GSE1: variants seen among roughly 807,000 people sequenced by gnomAD.
GSE1 encodes the protein genetic suppressor element 1.
Under a neutral mutation model 112.6 loss-of-function variants are expected in GSE1, and 32 were observed. The ratio of observed to expected loss-of-function variants is 0.28; its 90% CI spans 0.21 to 0.38. The LOEUF is 0.38. Ranked by LOEUF, GSE1 falls within the 10% of genes least tolerant of loss-of-function variation. The pLI is 1.00. For missense variants in GSE1, 2,348 were observed against 1,699.2 expected (o/e 1.38, Z -6.71); for synonymous variants, 1,115 against 735.6 (o/e 1.52, Z -8.35).
At chr16:85,606,115 C>G (rs1029820488) in intron 1 of GSE1, among the ~76,000 whole-genome samples, 2 of 152,214 alleles carry the variant, frequency 1.3e-5, no homozygotes, top group African/African-American at 2.4e-5. Flanking sequence ...TGCCGTGGCA[C>G]AGCCCACTCC....
rs79884857 is a variant in GSE1 at position 85,271,970 on chromosome 16, T to C, written c.2284-85493T>C. 8.6e-3 allele frequency among the ~76,000 whole-genome samples: 1,310 copies of C among 152,346 alleles called. 22 individuals are homozygous for C. Among genetic ancestry groups the C allele is most frequent in the African/African-American group, 0.03 (1,254 of 41,576 alleles). ...CCAGGCCAGCGTCTGCAGGACGCCT[T>C]TCTGCAAGGGTTCCCCTTCCAAACC... On this transcript the variant is annotated intron_variant, in intron 1 of 2. Transcript: ENST00000637419.
At chr16:85,614,680 T>C (rs1025831765) in intron 1 of GSE1, among the ~76,000 whole-genome samples, 7 of 152,198 alleles carry the variant, frequency 4.6e-5, no homozygotes, top group Non-Finnish European at 8.8e-5. Context: ...GGGCGGTGGA[T>C]GCCAGCCGGA....
chr16:85,556,382 TCCCTGGGTCCCGCGCGGCGCCGGCGCGC>T (rs1180013316), intron 1 of GSE1: 30 of 981,382 alleles, frequency 3.1e-5, no homozygotes, highest in Non-Finnish European at 3.6e-5. Context: ...GCCGTGCGCC[TCCCTGGGTCCCGCGCGGCGCCGGCGCGC>T]CCGGGACCCT....
chr16:85,671,111 G>C lies in GSE1; in HGVS notation c.3519+13G>C. 1 of 1,504,906 alleles carries C rather than the reference G, an allele frequency of 6.6e-7. No individual in the cohort carries two copies. The highest frequency in any genetic ancestry group is 9.2e-7 in the Non-Finnish European group (1 of 1,081,538). 93.2% of individuals were successfully genotyped at this position (1,504,906 alleles called of 1,614,324 possible). A position where few individuals can be genotyped will look rare whatever the true frequency, so the allele number is the denominator to read the frequency against. On this transcript the variant is annotated intron_variant, in intron 15 of 15. Coordinates refer to ENST00000253458, the MANE Select transcript of GSE1 (RefSeq NM_014615.5). ...CCACAGCGTGGCGGTGAGTTGGGAA[G>C]GGATGGAAACCTTCAAACACGCAAC... is the stretch of plus-strand genomic sequence containing the variant.
rs529123469 is a variant in GSE1, at chr16:85,675,001, C to T, written c.*2462C>T. The T allele has an allele frequency of 2.0e-5, 3 of 152,686 alleles. No homozygotes were observed. The highest frequency in any genetic ancestry group is 4.8e-5 in the African/African-American group (2 of 41,560). The allele number at this position is 152,686 out of a possible 1,614,324, so 9.5% of individuals were successfully genotyped here. The stretch of plus-strand genomic sequence containing the variant: ...AAAAAGGTAAGAACTGTCTCAAAAA[C>T]GAAAGCACACCACCCAAGACACAGT... On this transcript the variant is annotated 3_prime_UTR_variant, in exon 16 of 16. Transcript: ENST00000253458.
intron 1 of GSE1, chr16:85,285,625 T>C (rs941996401): frequency 6.8e-6 from 1 of 146,744 alleles, no homozygotes; most frequent in Non-Finnish European, 1.5e-5. Context: ...CAGGTTGCAG[T>C]GAGCTGAGAT....
chr16:85,642,676 T>C (rs1486531995), intron 2 of GSE1, among the ~76,000 whole-genome samples: 1 of 152,240 alleles, frequency 6.6e-6, no homozygotes, highest in Admixed American at 6.5e-5. Flanking sequence ...GGACCCTCTT[T>C]AGGGAAGCAC....
intron 2 of GSE1, among the ~76,000 whole-genome samples, chr16:85,374,290 G>GT (rs1250002939): frequency 6.6e-5 from 10 of 151,734 alleles, no homozygotes; most frequent in Non-Finnish European, 2.9e-5. Flanking sequence ...GTGTATGTGC[G>GT]TGGTTGTGTG....
chr16:85,253,052 G>GCCCCCCCCCCCCCACCCCCC (rs1567640673), intron 1 of GSE1, among the ~76,000 whole-genome samples: 1 of 52,432 alleles, frequency 1.9e-5, no homozygotes, highest in Admixed American at 2.4e-4. Flanking sequence ...GCTCATAGGC[G>GCCCCCCCCCCCCCACCCCCC]CCCCCGCCCC....
Position 85,634,142 on chromosome 16 carries a change from C to A in GSE1, c.226+10C>A, listed in dbSNP as rs1187795376. The A allele has an allele frequency of 4.1e-6, 6 of 1,447,802 alleles. No homozygotes were observed. The highest frequency in any genetic ancestry group is 5.4e-6 in the Non-Finnish European group (6 of 1,107,786). The allele number at this position is 1,447,802 out of a possible 1,614,324, so 89.7% of individuals were successfully genotyped here. ...GCGGAGGAGCCCAGAGGTAAGGGGGCCCGCCAGGCTGCGCGTGGGGGGAGC... is the reference window on the plus strand; with the variant it reads ...GCGGAGGAGCCCAGAGGTAAGGGGGACCGCCAGGCTGCGCGTGGGGGGAGC... On this transcript the variant is annotated intron_variant, in intron 2 of 15. Coordinates refer to ENST00000253458, the MANE Select transcript of GSE1 (RefSeq NM_014615.5).
intron 1 of GSE1, among the ~76,000 whole-genome samples, chr16:85,340,267 T>C (rs1343418419): frequency 8.5e-5 from 13 of 152,170 alleles, no homozygotes; most frequent in Admixed American, 8.5e-4. Flanking sequence ...GGAGGATCAC[T>C]TGAGCCCACC....
At chr16:85,651,926 A>G (rs1046582471) in intron 3 of GSE1, among the ~76,000 whole-genome samples, 1 of 152,228 alleles carries the variant, frequency 6.6e-6, no homozygotes. Flanking sequence ...AGTCCATCCC[A>G]GACCCTAGGA....
chr16:85,231,980 G>T (rs938884145), intron 1 of GSE1, among the ~76,000 whole-genome samples: 14 of 152,208 alleles, frequency 9.2e-5, no homozygotes, highest in African/African-American at 3.4e-4. Flanking sequence ...GCCAGTGTTG[G>T]CTTGCCCCCC....
intron 3 of GSE1, among the ~76,000 whole-genome samples, chr16:85,649,952 GTCCCAGTGGGAA>G (rs2051194370): frequency 6.6e-6 from 1 of 152,160 alleles, no homozygotes; most frequent in Non-Finnish European, 1.5e-5. Context: ...CTGATCCAGG[GTCCCAGTGGGAA>G]TCCCTGGGAG....
chr16:85,599,264 A>G (rs1481882149), intron 1 of GSE1, among the ~76,000 whole-genome samples: 2 of 152,364 alleles, frequency 1.3e-5, no homozygotes, highest in African/African-American at 4.8e-5. Context: ...GGGGGAGAAG[A>G]AATAAATTAC....
chr16:85,451,969 C>G (rs867523675), intron 2 of GSE1, among the ~76,000 whole-genome samples: 110 of 152,258 alleles, frequency 7.2e-4, no homozygotes, highest in Middle Eastern at 6.8e-3. Flanking sequence ...CTGCCTCCCC[C>G]CCTCACCGAG....
At chr16:85,556,417 C>T (rs1208503379) in intron 1 of GSE1, 17 of 837,844 alleles carry the variant, frequency 2.0e-5, no homozygotes, top group South Asian at 1.1e-4. Flanking sequence ...GCGCCCGGGA[C>T]CCTCCCTCAC....
At chr16:85,263,225 C>T (rs1452234023) in intron 1 of GSE1, among the ~76,000 whole-genome samples, 1 of 152,136 alleles carries the variant, frequency 6.6e-6, no homozygotes, top group Non-Finnish European at 1.5e-5. Context: ...ATGATGTTAG[C>T]ATCATGCTTG....
intron 2 of GSE1, among the ~76,000 whole-genome samples, chr16:85,366,268 C>A (rs770164271): frequency 4.6e-5 from 7 of 152,228 alleles, no homozygotes; most frequent in African/African-American, 1.7e-4. Flanking sequence ...CCGGAGGGCA[C>A]GGGGGGCTGG....
Sources: gnomAD v4.1 joint callset for allele counts (sites outside exome capture counted in the v4.1 genomes callset) on GRCh38, gnomAD v4.1.1 for gene constraint, MANE v1.5 for transcripts, NCBI Gene and HGNC (gene_info 2026-07-23, HGNC 2026-07-21) for gene names.